ROBO2: variants seen among roughly 807,000 people sequenced by gnomAD.
ROBO2 encodes the protein roundabout guidance receptor 2, also known as roundabout homolog 2.
In ROBO2, 53 loss-of-function variants were observed where a neutral mutation model predicts 160.8. The observed-to-expected ratio is 0.33, with a 90% confidence interval of 0.26 to 0.41. The LOEUF is 0.41. Among genes scored for constraint, ROBO2 ranks in the 10% least tolerant of loss-of-function variants. ROBO2 has a pLI of 1.00. For synonymous variants in ROBO2, 664 were observed against 611.7 expected (o/e 1.09, Z -1.26); for missense variants, 1,577 against 1,722.4 (o/e 0.92, Z 1.49).
At chr3:77,246,118 T>G (rs13059192) in intron 2 of ROBO2, among the ~76,000 whole-genome samples, 3,472 of 152,302 alleles carry the variant, frequency 0.023, 55 homozygotes, top group Non-Finnish European at 0.035. Context: ...ATCAATAATT[T>G]GTAGCTAGAA....
chr3:76,493,679 C>A (rs186149989), intron 2 of ROBO2, among the ~76,000 whole-genome samples: 1 of 151,960 alleles, frequency 6.6e-6, no homozygotes, highest in East Asian at 1.9e-4. Flanking sequence ...CATTTACTAT[C>A]GATTTCCGTT....
chr3:76,324,848 A>G (rs989179626), intron 2 of ROBO2, among the ~76,000 whole-genome samples: 3 of 152,202 alleles, frequency 2.0e-5, no homozygotes, highest in Non-Finnish European at 2.9e-5. Context: ...AATATTAAAA[A>G]CAGATCAGTC....
At chr3:77,307,188 A>T (rs1326450413) in intron 2 of ROBO2, among the ~76,000 whole-genome samples, 1 of 152,196 alleles carries the variant, frequency 6.6e-6, no homozygotes, top group Non-Finnish European at 1.5e-5. Context: ...TCGTTAATTT[A>T]TGTTGATGGC....
intron 2 of ROBO2, among the ~76,000 whole-genome samples, chr3:77,332,154 G>T (rs144254126): frequency 6.6e-6 from 1 of 152,144 alleles, no homozygotes; most frequent in Non-Finnish European, 1.5e-5. Context: ...TTCTTATATT[G>T]TGTACTATAT....
At chr3:75,989,547 T>C (rs1027832549) in intron 2 of ROBO2, among the ~76,000 whole-genome samples, 6 of 152,178 alleles carry the variant, frequency 3.9e-5, no homozygotes, top group African/African-American at 1.4e-4. Flanking sequence ...TAAACTATTT[T>C]ATAATTTACA....
chr3:76,987,044 A>T (rs1368301414), intron 2 of ROBO2, among the ~76,000 whole-genome samples: 1 of 152,196 alleles, frequency 6.6e-6, no homozygotes, highest in Non-Finnish European at 1.5e-5. Flanking sequence ...AGCTCAGCTA[A>T]TTGGAGGATG....
rs551570001 is a variant in ROBO2, at chr3:76,332,552, A to G, written c.109+394950A>G. ...TAGTCCCTCTGGGATTTATCTCTGC[A>G]TAAAACCTAAGAAATATATTCTTAA... On this transcript the variant is annotated intron_variant, in intron 2 of 26. Transcript: ENST00000487694. 8.5e-5 allele frequency among the ~76,000 whole-genome samples: 13 copies of G among 152,316 alleles called. No homozygotes were observed. In the South Asian group the frequency reaches 2.5e-3, roughly 29 times the overall value.
chr3:76,080,704 G>T (rs188847174), intron 2 of ROBO2, among the ~76,000 whole-genome samples: 1 of 152,200 alleles, frequency 6.6e-6, no homozygotes, highest in Non-Finnish European at 1.5e-5. Context: ...ACTTATTTCA[G>T]GGGCAAATTA....
At chr3:75,994,056 G>C (rs2065655068) in intron 2 of ROBO2, among the ~76,000 whole-genome samples, 1 of 152,020 alleles carries the variant, frequency 6.6e-6, no homozygotes, top group African/African-American at 2.4e-5. Context: ...ATAAAGAAAG[G>C]GACAGCCAAG....
chr3:76,292,085 C>A (rs1708832525), intron 2 of ROBO2, among the ~76,000 whole-genome samples: 1 of 152,096 alleles, frequency 6.6e-6, no homozygotes, highest in South Asian at 2.1e-4. Context: ...CCTCGATGAT[C>A]TGTCTAATGT....
intron 2 of ROBO2, among the ~76,000 whole-genome samples, chr3:76,963,836 C>CAAAAAAAAAAAAA (rs11407644): frequency 9.4e-6 from 1 of 106,172 alleles, no homozygotes; most frequent in African/African-American, 3.3e-5. Flanking sequence ...TGAGGAACTG[C>CAAAAAAAAAAAAA]AAAAAAAAAA....
At chr3:76,689,650 C>A (rs2092758600) in intron 2 of ROBO2, among the ~76,000 whole-genome samples, 1 of 152,144 alleles carries the variant, frequency 6.6e-6, no homozygotes, top group African/African-American at 2.4e-5. Flanking sequence ...AAACAATGAT[C>A]ATCTCTATTG....
At chr3:76,375,241 A>G (rs748336189) in intron 2 of ROBO2, among the ~76,000 whole-genome samples, 2 of 151,984 alleles carry the variant, frequency 1.3e-5, no homozygotes, top group Admixed American at 6.6e-5. Context: ...TTCTGTATTC[A>G]CTAAATCCTC....
At chr3:76,854,092 C>CA (rs71104631) in intron 2 of ROBO2, among the ~76,000 whole-genome samples, 3 of 148,248 alleles carry the variant, frequency 2.0e-5, no homozygotes, top group Admixed American at 1.4e-4. Context: ...CTCTCTCTCT[C>CA]ATATCAAAAT....
intron 2 of ROBO2, among the ~76,000 whole-genome samples, chr3:76,370,995 C>T (rs1047602925): frequency 4.0e-5 from 6 of 151,792 alleles, no homozygotes; most frequent in Non-Finnish European, 5.9e-5. Flanking sequence ...TTGCACTCAC[C>T]CTAGAAAAGG....
chr3:77,573,381 G>A (rs1277860862), intron 13 of ROBO2, among the ~76,000 whole-genome samples: 1 of 151,600 alleles, frequency 6.6e-6, no homozygotes, highest in Non-Finnish European at 1.5e-5. Context: ...TCATTTTTAG[G>A]TGATTGTCAA....
intron 2 of ROBO2, among the ~76,000 whole-genome samples, chr3:76,912,619 C>T (rs2076061351): frequency 6.6e-6 from 1 of 152,146 alleles, no homozygotes; most frequent in African/African-American, 2.4e-5. Context: ...CAATTAAAGA[C>T]TCTCCAATGA....
At chr3:77,030,266 T>C (rs1166327308) in intron 2 of ROBO2, among the ~76,000 whole-genome samples, 2 of 152,206 alleles carry the variant, frequency 1.3e-5, no homozygotes, top group Non-Finnish European at 2.9e-5. Context: ...GGTTCTGAAC[T>C]AAAATAGATT....
intron 17 of ROBO2, among the ~76,000 whole-genome samples, chr3:77,594,037 A>G (rs1233143126): frequency 1.3e-5 from 2 of 152,182 alleles, no homozygotes; most frequent in East Asian, 3.9e-4. Context: ...TCAGAATTGC[A>G]GGTTTATTGC....
Sources: allele counts gnomAD v4.1 joint callset (sites outside exome capture counted in the v4.1 genomes callset), GRCh38; gene constraint gnomAD v4.1.1; transcripts MANE v1.5; gene names NCBI Gene and HGNC (gene_info 2026-07-23, HGNC 2026-07-21).